CACNA1B: variants seen among roughly 807,000 people sequenced by gnomAD.
CACNA1B encodes calcium voltage-gated channel subunit alpha1 B, also known as voltage-dependent N-type calcium channel subunit alpha-1B.
A neutral mutation model predicts 247.2 loss-of-function variants in CACNA1B; 70 were observed. The ratio of observed to expected loss-of-function variants is 0.28; its 90% CI spans 0.23 to 0.35. CACNA1B has a LOEUF of 0.35. Ranked by LOEUF, CACNA1B falls within the 10% of genes least tolerant of loss-of-function variation. CACNA1B has a pLI of 1.00. For synonymous variants in CACNA1B, 1,231 were observed against 1,294.4 expected (o/e 0.95, Z 1.05); for missense variants, 2,367 against 3,197.4 (o/e 0.74, Z 6.26).
rs1959228886 is a variant in CACNA1B at position 138,050,198 on chromosome 9, CG to C, written c.3710+887del. The C allele has an allele frequency of 2.5e-5, 20 of 798,014 alleles. 1 individual carries two copies. In the South Asian group the frequency reaches 2.8e-4, roughly 11 times the overall value. The allele number at this position is 798,014 out of a possible 1,614,324, so 49.4% of individuals were successfully genotyped here. On this transcript the variant is annotated intron_variant, in intron 24 of 46. Coordinates refer to ENST00000371372, the MANE Select transcript of CACNA1B (RefSeq NM_000718.4). This position sits in a 1 kb window ranked among gnomAD's most constrained non-coding sequence, Gnocchi z 5.2. ...CCCCGCCCATCCACTTTCACCCCAT[CG>C]GGGCTGCATGCTGCCGGGAGCCAAG...
At chr9:137,897,733 T>C (rs1331692555) in intron 3 of CACNA1B, among the ~76,000 whole-genome samples, 2 of 151,828 alleles carry the variant, frequency 1.3e-5, no homozygotes, top group Admixed American at 1.3e-4. Flanking sequence ...TATTATTATA[T>C]TTTTGCAGCG....
rs1589039272 is a variant in CACNA1B, at chr9:137,968,623, C to G, written c.1334-2760C>G. ...CTTTCTTGTCTGTCTCCCCACTGTC[C>G]TCTAGAAGGGTTATTGAGAACAGGG... is the stretch of plus-strand genomic sequence containing the variant. On this transcript the variant is annotated intron_variant, in intron 10 of 46. Coordinates refer to ENST00000371372, the MANE Select transcript of CACNA1B (RefSeq NM_000718.4). Among the ~76,000 whole-genome samples the G allele has an allele frequency of 2.0e-5, 3 of 152,342 alleles. No individual in the cohort carries two copies. The South Asian group carries it at 6.2e-4, about 32-fold the overall frequency.
In CACNA1B at chr9:137,986,367, A is replaced by G. The variant is rs1958361589; in HGVS notation, c.1770-46A>G. 1 of 1,607,596 alleles carries G rather than the reference A, an allele frequency of 6.2e-7. No homozygotes were observed. Among genetic ancestry groups the G allele is most frequent in the Non-Finnish European group, 8.5e-7 (1 of 1,176,866 alleles). On this transcript the variant is annotated intron_variant, in intron 13 of 46. Transcript: ENST00000371372. This position sits in a 1 kb window ranked among gnomAD's most constrained non-coding sequence, Gnocchi z 6.0. ...GTGGCTGCAGAGAGCCATGAATGTG[A>G]AGTCAGCGTCTGGAGCTGGCTCAGA...
chr9:137,985,738 G>A (rs1327448273), intron 13 of CACNA1B, among the ~76,000 whole-genome samples: 2 of 152,198 alleles, frequency 1.3e-5, no homozygotes, highest in Non-Finnish European at 2.9e-5. Context: ...GGACATGAGG[G>A]ACCGGCCCCT....
chr9:138,105,311 A>G (rs1296682281), intron 38 of CACNA1B, among the ~76,000 whole-genome samples: 1 of 152,166 alleles, frequency 6.6e-6, no homozygotes, highest in African/African-American at 2.4e-5. Context: ...GGGTGGGCAG[A>G]GCAATGAGCA....
intron 35 of CACNA1B, among the ~76,000 whole-genome samples, chr9:138,076,655 A>T (rs780131184): frequency 1.1e-4 from 17 of 152,220 alleles, no homozygotes; most frequent in Non-Finnish European, 1.5e-4. Context: ...TTGAGAGTGA[A>T]CTTGGGAGCA....
At chr9:137,906,642 G>A (rs985353107) in intron 3 of CACNA1B, among the ~76,000 whole-genome samples, 2 of 152,006 alleles carry the variant, frequency 1.3e-5, no homozygotes, top group Non-Finnish European at 2.9e-5. Context: ...CCCATGTGAT[G>A]TCTTATTTAA....
chr9:138,023,562 A>C lies in CACNA1B; in HGVS notation c.2819A>C (p.His940Pro). The C allele has an allele frequency of 9.2e-7, 1 of 1,090,172 alleles. No individual in the cohort carries two copies. 67.5% of individuals were successfully genotyped at this position (1,090,172 alleles called of 1,614,324 possible). Residue 940 changes from histidine (H) to proline (P), a missense_variant, in exon 19 of 47, where the codon CAC becomes CCC. His to Pro is a moderately conservative substitution (Grantham distance 77, BLOSUM62 -2). Around this residue, in one of 12 missense-constraint regions of CACNA1B, gnomAD observed 631 missense variants for 631.1 expected, o/e 1.00. Coordinates refer to ENST00000371372, the MANE Select transcript of CACNA1B (RefSeq NM_000718.4). Reference protein sequence around the residue: ...REPRRHRAHRHQDPSKECAGA... With the variant: ...REPRRHRAHRPQDPSKECAGA... ...CCCCGACGCCACCGCGCGCACCGGC[A>C]CCAGGATCCGAGCAAGGAGTGCGCC...
chr9:137,901,908 G>A (rs1026261616), intron 3 of CACNA1B, among the ~76,000 whole-genome samples: 1 of 151,796 alleles, frequency 6.6e-6, no homozygotes, highest in African/African-American at 2.4e-5. Flanking sequence ...TCAGGCTGGC[G>A]TGGAACTCTT....
rs142295964 is a variant in CACNA1B at position 138,056,125 on chromosome 9, A to G, written c.3969-1607A>G. Among the ~76,000 whole-genome samples the G allele has an allele frequency of 4.5e-3, 693 of 152,348 alleles. 3 individuals are homozygous for G. The highest frequency in any genetic ancestry group is 7.8e-3 in the Non-Finnish European group (528 of 68,032). Reference sequence around the variant, plus strand: ...AACAATCCACTTACAGTGTGCAATTAAGTGGCTTTTAGTCTATTTACAGGT... The same window carrying G: ...AACAATCCACTTACAGTGTGCAATTGAGTGGCTTTTAGTCTATTTACAGGT... On this transcript the variant is annotated intron_variant, in intron 26 of 46. Transcript: ENST00000371372.
intron 12 of CACNA1B, among the ~76,000 whole-genome samples, chr9:137,978,967 T>C (rs1000514208): frequency 6.6e-6 from 1 of 152,202 alleles, no homozygotes; most frequent in African/African-American, 2.4e-5. Flanking sequence ...CAACCCTTCT[T>C]ACCCTTTGAC....
At chr9:138,042,267 T>C (rs953762810) in intron 20 of CACNA1B, among the ~76,000 whole-genome samples, 1 of 152,176 alleles carries the variant, frequency 6.6e-6, no homozygotes, top group Non-Finnish European at 1.5e-5. Context: ...CTGGCCAACA[T>C]GGTGAAACCC....
At chr9:138,000,254 A>G (rs1029314388) in intron 15 of CACNA1B, among the ~76,000 whole-genome samples, 16 of 151,926 alleles carry the variant, frequency 1.1e-4, no homozygotes, top group South Asian at 4.2e-4. Flanking sequence ...GCCCGCCACT[A>G]CGCCCGGCTA....
At chr9:138,016,153 C>A (rs1258862706) in intron 18 of CACNA1B, among the ~76,000 whole-genome samples, 1 of 152,150 alleles carries the variant, frequency 6.6e-6, no homozygotes, top group Admixed American at 6.5e-5. Context: ...CACACATAAT[C>A]TCACACATTC....
intron 10 of CACNA1B, among the ~76,000 whole-genome samples, chr9:137,967,314 G>GC (rs1365941755): frequency 2.0e-5 from 3 of 152,136 alleles, no homozygotes; most frequent in African/African-American, 7.2e-5. Flanking sequence ...GTAAGTCACA[G>GC]CCTTTCCAGT....
intron 10 of CACNA1B, among the ~76,000 whole-genome samples, chr9:137,962,429 A>G (rs1303281980): frequency 6.8e-6 from 1 of 147,532 alleles, no homozygotes; most frequent in Non-Finnish European, 1.5e-5. Context: ...GTTTTCTGCT[A>G]GCTTTGGGGT....
chr9:138,024,210 C>T (rs1958891158), intron 19 of CACNA1B, among the ~76,000 whole-genome samples: 1 of 152,298 alleles, frequency 6.6e-6, no homozygotes, highest in South Asian at 2.1e-4. Context: ...CCAAGGGAAG[C>T]CTGAGCAGGC....
chr9:137,906,281 T>C (rs559310063), intron 3 of CACNA1B, among the ~76,000 whole-genome samples: 2 of 152,316 alleles, frequency 1.3e-5, no homozygotes, highest in Admixed American at 6.5e-5. Flanking sequence ...CTAAGGCCGC[T>C]TTGCTGACAT....
At chr9:138,021,926 C>T (rs1188983823) in intron 18 of CACNA1B, among the ~76,000 whole-genome samples, 2 of 152,218 alleles carry the variant, frequency 1.3e-5, no homozygotes, top group African/African-American at 4.8e-5. Context: ...GGCCTCTGGC[C>T]TCAGATGAGG....
Sources: allele counts gnomAD v4.1 joint callset (sites outside exome capture counted in the v4.1 genomes callset), GRCh38; gene constraint gnomAD v4.1.1; regional missense constraint gnomAD v4.1.1; non-coding constraint Gnocchi (gnomAD v3.1); transcripts MANE v1.5; gene names NCBI Gene and HGNC (gene_info 2026-07-23, HGNC 2026-07-21).